CSE1L: variants seen among roughly 807,000 people sequenced by gnomAD.
The protein encoded by CSE1L is exportin-2.
CSE1L carries 24 observed loss-of-function variants against 120.4 expected under a neutral mutation model. The ratio of observed to expected loss-of-function variants is 0.20; its 90% confidence interval spans 0.14 to 0.28. The LOEUF (loss-of-function observed/expected upper bound fraction) is 0.28. CSE1L is among the 10% of genes least tolerant of loss of function. CSE1L has a pLI of 1.00. For missense variants in CSE1L, 830 were observed against 1,145.2 expected (o/e 0.72, Z 3.97); for synonymous variants, 402 against 398.3 (o/e 1.01, Z -0.11).
At position 49,085,562 on chromosome 20, in the gene CSE1L, A is replaced by ATTTTTTTTTTTTTT. The variant is rs11471947; in HGVS notation, c.1723+190_1723+203dup. Among the ~76,000 whole-genome samples the ATTTTTTTTTTTTTT allele has an allele frequency of 7.6e-4, 61 of 80,230 alleles. 5 individuals are homozygous for ATTTTTTTTTTTTTT. The highest frequency in any genetic ancestry group is 9.2e-4 in the Non-Finnish European group (38 of 41,262). 52.6% of individuals were successfully genotyped at this position (80,230 alleles called of 152,430 possible). A position where few individuals can be genotyped will look rare whatever the true frequency, so the allele number is the denominator to read the frequency against. On this transcript the variant is annotated intron_variant, in intron 16 of 24. Coordinates refer to ENST00000262982, the MANE Select transcript of CSE1L (RefSeq NM_001316.4). ...ATTATCTTGTTTACTACTAACAATA[A>ATTTTTTTTTTTTTT]TTTTTTTTTTTTTTTTTTTTTTTTT...
chr20:49,095,878 G>A (rs1321725909), intron 24 of CSE1L, among the ~76,000 whole-genome samples: 2 of 152,036 alleles, frequency 1.3e-5, no homozygotes, highest in African/African-American at 2.4e-5. Flanking sequence ...ACATATATGT[G>A]TGTGGCGTGT....
intron 2 of CSE1L, among the ~76,000 whole-genome samples, chr20:49,061,435 G>A (rs1167612468): frequency 1.3e-5 from 2 of 151,410 alleles, no homozygotes; most frequent in Admixed American, 6.6e-5. Context: ...GCCTCCCAAA[G>A]TGCTGGGATT....
intron 19 of CSE1L, among the ~76,000 whole-genome samples, 168 bp from the exon 20 acceptor site, chr20:49,090,574 C>A (rs527932293): frequency 6.6e-6 from 1 of 152,120 alleles, no homozygotes; most frequent in Non-Finnish European, 1.5e-5. Flanking sequence ...AAAAAAATTA[C>A]TTTAATGGCT....
chr20:49,080,379 C>G (rs2092002541), intron 14 of CSE1L, among the ~76,000 whole-genome samples: 1 of 151,590 alleles, frequency 6.6e-6, no homozygotes, highest in Non-Finnish European at 1.5e-5. Context: ...ATGCCTGGCC[C>G]TGGTTATCAA....
intron 1 of CSE1L, among the ~76,000 whole-genome samples, chr20:49,054,503 G>A (rs754975596): frequency 3.3e-5 from 5 of 152,128 alleles, no homozygotes; most frequent in Non-Finnish European, 7.4e-5. Context: ...GTAGACCTAC[G>A]GAGTTGGACT....
chr20:49,055,858 G>T (rs1379817450), intron 1 of CSE1L, among the ~76,000 whole-genome samples: 3 of 151,476 alleles, frequency 2.0e-5, no homozygotes, highest in Admixed American at 6.6e-5. Context: ...ATTTTGGAGT[G>T]TGTTTTTTGT....
rs1392163042 is a variant in CSE1L at position 49,068,756 on chromosome 20, T to C, written c.609T>C (p.Ser203=). ...GCAGTACCCATGCAAATGATGCCTC[T>C]GCCCTGAGGATTCTGTTTTCTTCCC... The part of the protein sequence containing the change: ...ELCSTHANDA[S]ALRILFSSLI... Residue 203 remains serine (S), a synonymous_variant, in exon 7 of 25, where the codon TCT becomes TCC. Transcript: ENST00000262982. 1 of 1,613,994 alleles carries C rather than the reference T, an allele frequency of 6.2e-7. No homozygotes were observed. Among genetic ancestry groups the C allele is most frequent in the African/African-American group, 1.3e-5 (1 of 74,938 alleles).
chr20:49,067,479 G>A (rs1026198696), intron 6 of CSE1L, among the ~76,000 whole-genome samples, 199 bp downstream of exon 6: 4 of 152,134 alleles, frequency 2.6e-5, no homozygotes, highest in Non-Finnish European at 5.9e-5. Flanking sequence ...TTAATGGTTA[G>A]CAACGTTTTA....
At chr20:49,047,230 C>T (rs1161974440) in intron 1 of CSE1L, among the ~76,000 whole-genome samples, 1 of 152,102 alleles carries the variant, frequency 6.6e-6, no homozygotes, top group African/African-American at 2.4e-5. Context: ...CCTCCATTTC[C>T]TTAGCTGCAA....
intron 1 of CSE1L, among the ~76,000 whole-genome samples, chr20:49,055,709 ACT>A (rs760180968): frequency 1.1e-4 from 16 of 152,044 alleles, no homozygotes; most frequent in Non-Finnish European, 1.5e-4. Flanking sequence ...ACAGAGCAAG[ACT>A]CTGTCTGAAA....
chr20:49,085,589 T>TTTTG (rs11474758), intron 16 of CSE1L, among the ~76,000 whole-genome samples: 1 of 138,668 alleles, frequency 7.2e-6, no homozygotes, highest in African/African-American at 2.7e-5. Flanking sequence ...TTTTTTTTTT[T>TTTTG]GAGATGGAGC....
At chr20:49,050,195 A>T (rs1011423249) in intron 1 of CSE1L, among the ~76,000 whole-genome samples, 1 of 148,856 alleles carries the variant, frequency 6.7e-6, no homozygotes, top group African/African-American at 2.5e-5. Flanking sequence ...GGTTTTATTT[A>T]TTTATTTTTA....
At chr20:49,060,343 G>A (rs1049447626) in intron 2 of CSE1L, among the ~76,000 whole-genome samples, 2 of 151,892 alleles carry the variant, frequency 1.3e-5, no homozygotes, top group South Asian at 2.1e-4. Flanking sequence ...TTAGCTGGGC[G>A]TGGTGGTGCA....
In CSE1L at chr20:49,076,995, G is replaced by A. The variant is rs1054832957; in HGVS notation, c.1351G>A (p.Ala451Thr). Reference sequence around the variant, plus strand: ...TGCTTTTCAGCATGGAATTACACAAGCAAATGAACTTGTAAACCTAACTGA... The same window carrying A: ...TGCTTTTCAGCATGGAATTACACAAACAAATGAACTTGTAAACCTAACTGA... Reference protein sequence around the residue: ...AQTQKHGITQANELVNLTEFF... With the variant: ...AQTQKHGITQTNELVNLTEFF... The change falls in exon 13 of 25, where the codon GCA becomes ACA. Residue 451 changes from alanine (A) to threonine (T), a missense_variant. Transcript: ENST00000262982. 1 of 1,604,198 alleles carries A rather than the reference G, an allele frequency of 6.2e-7. No individual in the cohort carries two copies. Among genetic ancestry groups the A allele is most frequent in the Non-Finnish European group, 8.5e-7 (1 of 1,176,196 alleles).
chr20:49,064,945 A>G (rs1019516355), intron 3 of CSE1L, among the ~76,000 whole-genome samples: 1 of 151,562 alleles, frequency 6.6e-6, no homozygotes, highest in Non-Finnish European at 1.5e-5. Context: ...GCTTGAGGCC[A>G]GGAGTTGGAG....
intron 19 of CSE1L, 30 bp from the exon 20 acceptor site, chr20:49,090,712 C>A: frequency 3.9e-6 from 6 of 1,544,038 alleles, no homozygotes; most frequent in South Asian, 1.1e-5. Flanking sequence ...TCCTGTTAAC[C>A]ATTTTCTGTT....
At chr20:49,091,162 C>A in intron 21 of CSE1L, 140 bp downstream of exon 21, 1 of 654,990 alleles carries the variant, frequency 1.5e-6, no homozygotes, top group Non-Finnish European at 2.6e-6. Context: ...GAGGTTCATG[C>A]CTGTAATCGC....
Position 49,094,967 on chromosome 20 carries a change from A to G in CSE1L, c.2826+4A>G. The G allele has an allele frequency of 6.2e-7, 1 of 1,611,090 alleles. No homozygotes were observed. The highest frequency in any genetic ancestry group is 8.5e-7 in the Non-Finnish European group (1 of 1,177,452). On this transcript the variant is annotated splice_donor_region_variant and intron_variant, in intron 24 of 24. Transcript: ENST00000262982. The stretch of plus-strand genomic sequence containing the variant: ...GTCTACCGCCTGTCCAGGAAGGGTA[A>G]GTGTGTTGTCAAAGAACTCTGTGAT...
chr20:49,056,791 A>C (rs1331186600), intron 1 of CSE1L, among the ~76,000 whole-genome samples: 2 of 152,034 alleles, frequency 1.3e-5, no homozygotes, highest in African/African-American at 2.4e-5. Context: ...ATGTTTTGAA[A>C]TATGTATACA....
Sources: allele counts gnomAD v4.1 joint callset (sites outside exome capture counted in the v4.1 genomes callset), GRCh38; gene constraint gnomAD v4.1.1; transcripts MANE v1.5; gene names NCBI Gene and HGNC (gene_info 2026-07-23, HGNC 2026-07-21).